The following TNIP2 variants were observed in gnomAD, a reference collection of about 807,000 sequenced individuals.
TNIP2 encodes TNFAIP3-interacting protein 2.
Under a neutral mutation model 43.7 loss-of-function variants are expected in TNIP2, and 30 were observed. The observed-to-expected ratio is 0.69, with a 90% CI of 0.51 to 0.93. The LOEUF is 0.93. Among genes scored for constraint, TNIP2 ranks in the 40% least tolerant of loss-of-function variants. The probability of loss-of-function intolerance (pLI) is 0.00; values close to 1 mark genes in which losing one functional copy is unlikely to be tolerated. For synonymous variants in TNIP2, 260 were observed against 254.6 expected (o/e 1.02, Z -0.20); for missense variants, 599 against 591.0 (o/e 1.01, Z -0.14).
chr4:2,755,871 A>C, intron 1 of TNIP2, 143 bp downstream of exon 1: 1 of 883,420 alleles, frequency 1.1e-6, no homozygotes, highest in Non-Finnish European at 1.4e-6. Flanking sequence ...CCAACCCCTC[A>C]GGACCCGAGG....
rs898614138 is a variant in TNIP2, at chr4:2,747,542, T to C, written c.567+113A>G. 3.7e-6 allele frequency: 4 copies of C among 1,095,718 alleles called. No individual in the cohort carries two copies. In the African/African-American group the frequency reaches 6.3e-5, roughly 17 times the overall value. The allele number at this position is 1,095,718 out of a possible 1,614,324, so 67.9% of individuals were successfully genotyped here. A position where few individuals can be genotyped will look rare whatever the true frequency, so the allele number is the denominator to read the frequency against. ...TGCCCCGTCAGCTGACTCTCGTTAC[T>C]GAGAACAGAAGTGGGTTCTGGGGCG... On this transcript the variant is annotated intron_variant, in intron 2 of 5. Coordinates refer to ENST00000315423, the MANE Select transcript of TNIP2 (RefSeq NM_024309.4).
chr4:2,745,232 C>T (rs1721914055), intron 3 of TNIP2: 1 of 609,902 alleles, frequency 1.6e-6, no homozygotes, highest in Non-Finnish European at 2.9e-6. Context: ...ATCTCCTTTA[C>T]TGACTTGTGG....
At position 2,744,362 on chromosome 4, in the gene TNIP2, G is replaced by C; in HGVS notation, c.1026+25C>G. On this transcript the variant is annotated intron_variant, in intron 5 of 5. Coordinates refer to ENST00000315423, the MANE Select transcript of TNIP2 (RefSeq NM_024309.4). This position sits in a 1 kb window ranked among gnomAD's most constrained non-coding sequence, Gnocchi z 5.1. ...AAACAAAAACACTAAACCTAAGCAGGAAGAAAAACGCCCTCATACTCTACC... is the reference window on the plus strand; with the variant it reads ...AAACAAAAACACTAAACCTAAGCAGCAAGAAAAACGCCCTCATACTCTACC... The C allele has an allele frequency of 6.2e-7, 1 of 1,613,968 alleles. No individual in the cohort carries two copies. Among genetic ancestry groups the C allele is most frequent in the East Asian group, 2.2e-5 (1 of 44,880 alleles).
At chr4:2,748,445 C>A (rs571867221) in intron 1 of TNIP2, among the ~76,000 whole-genome samples, 2 of 152,336 alleles carry the variant, frequency 1.3e-5, no homozygotes, top group East Asian at 3.9e-4. Context: ...GAGGTTCACA[C>A]CATTCTCCTG....
At position 2,747,908 on chromosome 4, in the gene TNIP2, T is replaced by C; in HGVS notation, c.314A>G (p.Glu105Gly). The change falls in exon 2 of 6, where the codon GAG (glutamate) becomes GGG (glycine). Residue 105 changes from glutamate to glycine, a missense_variant. Transcript: ENST00000315423. Reference protein sequence around the residue: ...ERLTERLEEKEREMQQLLSQP... With the variant: ...ERLTERLEEKGREMQQLLSQP... The stretch of plus-strand genomic sequence containing the variant: ...GCTCAGCAGCTGCTGCATCTCCCTC[T>C]CTTTTTCTTCTAGTCGCTCAGTCAG... 6.2e-7 allele frequency: 1 copy of C among 1,613,412 alleles called. No individual in the cohort carries two copies. Among genetic ancestry groups the C allele is most frequent in the Non-Finnish European group, 8.5e-7 (1 of 1,179,990 alleles).
chr4:2,754,490 C>G (rs1157498889), intron 1 of TNIP2, among the ~76,000 whole-genome samples: 1 of 152,256 alleles, frequency 6.6e-6, no homozygotes, highest in Non-Finnish European at 1.5e-5. Flanking sequence ...AATCTCGGCT[C>G]ACTGCAAGCT....
intron 1 of TNIP2, among the ~76,000 whole-genome samples, chr4:2,753,481 G>A (rs1177583731): frequency 6.6e-6 from 1 of 152,072 alleles, no homozygotes; most frequent in African/African-American, 2.4e-5. Flanking sequence ...AAACCTACAT[G>A]CTTACATGTT....
Position 2,752,281 on chromosome 4 carries a change from G to A in TNIP2, c.276+3733C>T, listed in dbSNP as rs567302458. Among the ~76,000 whole-genome samples the A allele has an allele frequency of 1.1e-4, 17 of 152,336 alleles. 1 individual carries two copies. In the South Asian group the frequency reaches 3.5e-3, roughly 32 times the overall value. Reference sequence around the variant, plus strand: ...GTCCCGAGAATGGTGACAGGATGGGGTTGGGCAGGACCAGGTTGCACAATG... The same window carrying A: ...GTCCCGAGAATGGTGACAGGATGGGATTGGGCAGGACCAGGTTGCACAATG... On this transcript the variant is annotated intron_variant, in intron 1 of 5. Transcript: ENST00000315423.
At chr4:2,755,342 C>T (rs1722203356) in intron 1 of TNIP2, among the ~76,000 whole-genome samples, 1 of 151,596 alleles carries the variant, frequency 6.6e-6, no homozygotes, top group Non-Finnish European at 1.5e-5. Context: ...CACACACGAA[C>T]CTCAAAATAC....
intron 1 of TNIP2, among the ~76,000 whole-genome samples, chr4:2,751,268 T>A (rs764153710): frequency 2.0e-5 from 3 of 152,058 alleles, no homozygotes; most frequent in Non-Finnish European, 4.4e-5. Context: ...GAGTTGTGGG[T>A]CTACACACAC....
At chr4:2,743,105 G>A (rs531483119) in intron 5 of TNIP2, among the ~76,000 whole-genome samples, 4 of 152,290 alleles carry the variant, frequency 2.6e-5, no homozygotes, top group Non-Finnish European at 5.9e-5. Flanking sequence ...CATTCCAGCA[G>A]GCCTTGGTGC....
intron 1 of TNIP2, among the ~76,000 whole-genome samples, chr4:2,754,937 C>T (rs1272403544): frequency 1.3e-5 from 2 of 152,166 alleles, no homozygotes; most frequent in Non-Finnish European, 2.9e-5. Flanking sequence ...GTTGCTCAGC[C>T]TTGTCTCGAA....
At position 2,745,452 on chromosome 4, in the gene TNIP2, C is replaced by A. The variant is rs1468348400; in HGVS notation, c.651G>T (p.Val217=). Residue 217 remains valine, a synonymous_variant, in exon 3 of 6, where the codon GTG becomes GTT. Transcript: ENST00000315423. ...AAATGTGAAAGACACTCACGTGAGT[C>A]ACCTTCTGTTTTAACAGTCGATTTT... ...QEENRLLKQK[V]THVEDLNAKW... 2 of 1,611,128 alleles carry A rather than the reference C, an allele frequency of 1.2e-6. No homozygotes were observed. The highest frequency in any genetic ancestry group is 4.5e-5 in the East Asian group (2 of 44,876).
At position 2,747,673 on chromosome 4, in the gene TNIP2, C is replaced by T; in HGVS notation, c.549G>A (p.Gly183=). 1 of 1,598,014 alleles carries T rather than the reference C, an allele frequency of 6.3e-7. No individual in the cohort carries two copies. The highest frequency in any genetic ancestry group is 8.5e-7 in the Non-Finnish European group (1 of 1,178,428). ...DERQHAQRNV[G]ERSPDQSEHT... is the part of the protein sequence containing the mutation. ...GGCCTACCTGGTCAGGACTTCTCTC[C>T]CCCACATTCCTTTGTGCATGCTGTC... Residue 183 remains glycine, a synonymous_variant, in exon 2 of 6, where the codon GGG becomes GGA. Transcript: ENST00000315423.
Position 2,742,124 on chromosome 4 carries a change from A to T in TNIP2, c.*133T>A. ...GCCAAAGGGACCAAAGTGAACGATC[A>T]GAGTGCCCCGCAACTATTCTAGGGG... On this transcript the variant is annotated 3_prime_UTR_variant, in exon 6 of 6. Coordinates refer to ENST00000315423, the MANE Select transcript of TNIP2 (RefSeq NM_024309.4). 2.2e-6 allele frequency: 2 copies of T among 892,326 alleles called. No homozygotes were observed. The highest frequency in any genetic ancestry group is 3.1e-6 in the Non-Finnish European group (2 of 653,254). 55.3% of individuals were successfully genotyped at this position (892,326 alleles called of 1,614,324 possible). A position where few individuals can be genotyped will look rare whatever the true frequency, so the allele number is the denominator to read the frequency against.
rs1178523629 is a variant in TNIP2, at chr4:2,747,744, C to T, written c.478G>A (p.Ala160Thr). 9 of 1,608,652 alleles carry T rather than the reference C, an allele frequency of 5.6e-6. No individual in the cohort carries two copies. Among genetic ancestry groups the T allele is most frequent in the East Asian group, 2.2e-5 (1 of 44,896 alleles). The change falls in exon 2 of 6, where the codon GCC becomes ACC. Residue 160 changes from alanine (A) to threonine (T), a missense_variant. Transcript: ENST00000315423. ...ETHQLRRTLT[A>T]TAHMCQHLAK... ...AGATGCTGACACATGTGGGCGGTGG[C>T]GGTCAGCGTCCTCCGCAGCTGATGG...
Position 2,742,217 on chromosome 4 carries a change from C to T in TNIP2, c.*40G>A, listed in dbSNP as rs747234137. On this transcript the variant is annotated 3_prime_UTR_variant, in exon 6 of 6. Transcript: ENST00000315423. The stretch of plus-strand genomic sequence containing the variant: ...CCCACCCTGTCCCTGAGGGCAGCTG[C>T]ACCGGGCCAGGAGGCCGCAAGGGCA... 10 of 1,425,758 alleles carry T rather than the reference C, an allele frequency of 7.0e-6. No individual in the cohort carries two copies. The East Asian group carries it at 2.6e-4, about 37-fold the overall frequency. 88.3% of individuals were successfully genotyped at this position (1,425,758 alleles called of 1,614,324 possible).
At chr4:2,746,991 T>C (rs1162784242) in intron 2 of TNIP2, among the ~76,000 whole-genome samples, 1 of 152,176 alleles carries the variant, frequency 6.6e-6, no homozygotes, top group Non-Finnish European at 1.5e-5. Flanking sequence ...ATCCAGCCTA[T>C]CCTGGAGGTC....
intron 1 of TNIP2, 120 bp from the exon 2 acceptor site, chr4:2,748,065 C>T (rs760261857): frequency 1.8e-4 from 190 of 1,076,772 alleles, no homozygotes; most frequent in Non-Finnish European, 2.4e-4. Flanking sequence ...CAAACATACT[C>T]ACTCAGAAGT....
Sources: allele counts gnomAD v4.1 joint callset (sites outside exome capture counted in the v4.1 genomes callset), GRCh38; gene constraint gnomAD v4.1.1; non-coding constraint Gnocchi (gnomAD v3.1); transcripts MANE v1.5; gene names NCBI Gene and HGNC (gene_info 2026-07-23, HGNC 2026-07-21).